PHF11: variants seen among roughly 807,000 people sequenced by gnomAD.
The protein encoded by PHF11 is PHD finger protein 11.
In PHF11, 38 loss-of-function variants were observed where a neutral mutation model predicts 40.5. That is an observed-to-expected ratio of 0.94 (90% confidence interval 0.72 to 1.23). The LOEUF (loss-of-function observed/expected upper bound fraction) is 1.23, where lower values mean the gene tolerates loss of function less well. Among genes scored for constraint, PHF11 ranks in the 50% most tolerant of loss-of-function variants. The pLI, the probability that PHF11 is intolerant of heterozygous loss-of-function variation, is 0.00. For synonymous variants in PHF11, 127 were observed against 138.2 expected (o/e 0.92, Z 0.57); for missense variants, 369 against 392.4 (o/e 0.94, Z 0.50).
intron 3 of PHF11, among the ~76,000 whole-genome samples, chr13:49,514,432 G>A (rs1269931157): frequency 6.6e-6 from 1 of 152,124 alleles, no homozygotes; most frequent in African/African-American, 2.4e-5. Flanking sequence ...CAATACTGTA[G>A]TAGGTCCTGA....
intron 4 of PHF11, among the ~76,000 whole-genome samples, 158 bp from the exon 5 acceptor site, chr13:49,520,736 G>T (rs561094345): frequency 6.6e-6 from 1 of 152,012 alleles, no homozygotes; most frequent in Non-Finnish European, 1.5e-5. Flanking sequence ...TGCACTCAGT[G>T]TGGGTCACTA....
chr13:49,507,879 G>A (rs547497340), intron 2 of PHF11, among the ~76,000 whole-genome samples: 1 of 152,142 alleles, frequency 6.6e-6, no homozygotes, highest in East Asian at 1.9e-4. Flanking sequence ...GTAGCCTTGG[G>A]GGTTCCTGGA....
rs756546671 is a variant in PHF11 at position 49,528,495 on chromosome 13, TTTC to T, written c.842-10_842-8del. On this transcript the variant is annotated splice_polypyrimidine_tract_variant and intron_variant, in intron 9 of 9. Coordinates refer to ENST00000378319, the MANE Select transcript of PHF11 (RefSeq NM_001040443.3). ...TACTGAATAAGCTGAAATAATTTTATTTCTTCTTTTCATAGCAATAGAGAAAAA... is the reference window on the plus strand; with the variant it reads ...TACTGAATAAGCTGAAATAATTTTATTTCTTTTCATAGCAATAGAGAAAAA... 1 of 1,547,420 alleles carries T rather than the reference TTTC, an allele frequency of 6.5e-7. No homozygotes were observed. Among genetic ancestry groups the T allele is most frequent in the Non-Finnish European group, 8.8e-7 (1 of 1,136,482 alleles).
At chr13:49,513,884 C>T (rs1959113516) in intron 3 of PHF11, among the ~76,000 whole-genome samples, 1 of 152,184 alleles carries the variant, frequency 6.6e-6, no homozygotes, top group Admixed American at 6.5e-5. Flanking sequence ...CCATTGTGGT[C>T]ATAGGGTGGC....
chr13:49,521,397 A>C (rs1198639856), intron 5 of PHF11: 1 of 987,662 alleles, frequency 1.0e-6, no homozygotes, highest in Non-Finnish European at 1.2e-6. Flanking sequence ...TCATGAGTGG[A>C]ACAGCAGTGT....
chr13:49,519,193 C>T lies in PHF11; in HGVS notation c.458+1042C>T, dbSNP rs1033942843. Among the ~76,000 whole-genome samples the T allele has an allele frequency of 2.0e-5, 3 of 152,170 alleles. No homozygotes were observed. The South Asian group carries it at 6.2e-4, about 31-fold the overall frequency. The stretch of plus-strand genomic sequence containing the variant: ...CGTAAGTATTTTGTTGCTAATCAGA[C>T]ATGAAATGTGTAAATATGTAAATTT... On this transcript the variant is annotated intron_variant, in intron 4 of 9. Coordinates refer to ENST00000378319, the MANE Select transcript of PHF11 (RefSeq NM_001040443.3).
At chr13:49,496,972 T>TG in intron 1 of PHF11, 2 of 925,380 alleles carry the variant, frequency 2.2e-6, no homozygotes, top group South Asian at 3.3e-5. Flanking sequence ...TGGATGGGAT[T>TG]ACAGGCATGT....
chr13:49,521,043 ATGTT>A, intron 5 of PHF11, 103 bp downstream of exon 5: 1 of 1,422,502 alleles, frequency 7.0e-7, no homozygotes, highest in Non-Finnish European at 9.4e-7. Context: ...TAAAATACAA[ATGTT>A]TGAGTTAAAA....
intron 1 of PHF11, among the ~76,000 whole-genome samples, chr13:49,499,966 G>A (rs1958877634): frequency 6.6e-6 from 1 of 152,210 alleles, no homozygotes; most frequent in African/African-American, 2.4e-5. Flanking sequence ...TGTGCCCTGG[G>A]TGGATTACCC....
In PHF11 at chr13:49,498,719, G is replaced by C. The variant is rs146838949; in HGVS notation, c.94+2624G>C. 2.2e-3 allele frequency among the ~76,000 whole-genome samples: 336 copies of C among 152,328 alleles called. 11 individuals carry two copies. The South Asian group carries it at 0.055, about 25-fold the overall frequency. Reference sequence around the variant, plus strand: ...CAGTGGGATCATGACAGGGAAAATAGAGACAAGGACAAGAGATCACTGGAA... The same window carrying C: ...CAGTGGGATCATGACAGGGAAAATACAGACAAGGACAAGAGATCACTGGAA... On this transcript the variant is annotated intron_variant, in intron 1 of 9. Coordinates refer to ENST00000378319, the MANE Select transcript of PHF11 (RefSeq NM_001040443.3).
chr13:49,520,547 G>A (rs1243917393), intron 4 of PHF11, among the ~76,000 whole-genome samples: 2 of 152,180 alleles, frequency 1.3e-5, no homozygotes, highest in East Asian at 3.8e-4. Flanking sequence ...ACAGTCAGAT[G>A]GAAATCTGCA....
rs762379479 is a variant in PHF11, at chr13:49,524,247, A to G, written c.769+31A>G. 2.6e-6 allele frequency: 4 copies of G among 1,541,636 alleles called. No homozygotes were observed. The South Asian group carries it at 3.6e-5, about 14-fold the overall frequency. On this transcript the variant is annotated intron_variant, in intron 8 of 9. Transcript: ENST00000378319. ...GATGAAGAGCAATATTTCGAAGTAT[A>G]GAGACTTCTCCCAGATCTAGATTTA...
intron 8 of PHF11, among the ~76,000 whole-genome samples, chr13:49,524,552 G>A (rs1161811834): frequency 6.7e-6 from 1 of 150,370 alleles, no homozygotes; most frequent in Non-Finnish European, 1.5e-5. Context: ...TTGCCTCACT[G>A]CAGCCTCTGC....
Position 49,526,186 on chromosome 13 carries a change from A to G in PHF11, c.770-201A>G, listed in dbSNP as rs1015904604. ...TCTGTCTCAAAAAAAAAAAAAAAAA[A>G]AAAAGAAAAAAGAGAAATGCCAAGA... On this transcript the variant is annotated intron_variant, in intron 8 of 9. Transcript: ENST00000378319. 8.9e-4 allele frequency: 443 copies of G among 495,916 alleles called. 1 individual carries two copies. Among genetic ancestry groups the G allele is most frequent in the Admixed American group, 2.1e-3 (61 of 29,128 alleles). 30.7% of individuals were successfully genotyped at this position (495,916 alleles called of 1,614,324 possible).
intron 4 of PHF11, among the ~76,000 whole-genome samples, chr13:49,519,046 A>G (rs950927594): frequency 5.9e-5 from 9 of 151,952 alleles, no homozygotes; most frequent in Non-Finnish European, 1.3e-4. Flanking sequence ...CGTGTTAGCC[A>G]GGATGGTCTC....
intron 3 of PHF11, among the ~76,000 whole-genome samples, chr13:49,514,806 A>G (rs1959130596): frequency 2.6e-5 from 4 of 151,498 alleles, no homozygotes; most frequent in Non-Finnish European, 4.4e-5. Context: ...CTCAATGTCT[A>G]TGCTATTACT....
intron 3 of PHF11, 143 bp downstream of exon 3, chr13:49,513,309 C>A: frequency 4.1e-6 from 2 of 484,312 alleles, no homozygotes; most frequent in Non-Finnish European, 7.3e-6. Flanking sequence ...TTGGAAACCT[C>A]AATTCAACTT....
intron 8 of PHF11, among the ~76,000 whole-genome samples, chr13:49,525,514 C>T (rs1198774474): frequency 6.6e-6 from 1 of 152,146 alleles, no homozygotes; most frequent in Admixed American, 6.5e-5. Context: ...TCCCAAAGTG[C>T]GGGGATTACA....
chr13:49,513,434 G>A (rs913003029), intron 3 of PHF11, among the ~76,000 whole-genome samples: 6 of 150,814 alleles, frequency 4.0e-5, no homozygotes, highest in African/African-American at 7.3e-5. Context: ...GGGTTCAAGC[G>A]ATTCTCCTGC....
Sources: allele counts gnomAD v4.1 joint callset (sites outside exome capture counted in the v4.1 genomes callset), GRCh38; gene constraint gnomAD v4.1.1; transcripts MANE v1.5; gene names NCBI Gene and HGNC (gene_info 2026-07-23, HGNC 2026-07-21).